The following KATNAL1 variants were observed in gnomAD, a reference collection of about 807,000 sequenced individuals.
KATNAL1 encodes the protein katanin catalytic subunit A1 like 1, also known as katanin p60 ATPase-containing subunit A-like 1.
KATNAL1 carries 32 observed loss-of-function variants against 55.2 expected under a neutral mutation model. The observed-to-expected ratio is 0.58, with a 90% CI of 0.44 to 0.78. The LOEUF (loss-of-function observed/expected upper bound fraction) is 0.78. Ranked by LOEUF, KATNAL1 falls within the 30% of genes least tolerant of loss-of-function variation. The pLI, the probability that KATNAL1 is intolerant of heterozygous loss-of-function variation, is 0.00. For synonymous variants in KATNAL1, 193 were observed against 193.6 expected, an observed-to-expected ratio of 1.00 and a Z score of 0.02; for missense variants, 466 against 600.9, an observed-to-expected ratio of 0.78 and a Z score of 2.35.
At chr13:30,271,698 A>G (rs545373297) in intron 3 of KATNAL1, among the ~76,000 whole-genome samples, 1 of 152,016 alleles carries the variant, frequency 6.6e-6, no homozygotes, top group Non-Finnish European at 1.5e-5. Context: ...GATCCAAACT[A>G]TATCAGAACC....
chr13:30,257,176 C>G (rs546607961), intron 3 of KATNAL1, among the ~76,000 whole-genome samples: 10 of 150,850 alleles, frequency 6.6e-5, no homozygotes, highest in Non-Finnish European at 1.2e-4. Flanking sequence ...TGTTTTTTGA[C>G]CTAATTTTTT....
intron 9 of KATNAL1, among the ~76,000 whole-genome samples, chr13:30,225,486 A>G (rs562279396): frequency 6.6e-6 from 1 of 152,358 alleles, no homozygotes; most frequent in African/African-American, 2.4e-5. Flanking sequence ...ATGTGTGTGT[A>G]TTTAAAATAC....
intron 9 of KATNAL1, among the ~76,000 whole-genome samples, chr13:30,211,366 T>C (rs1285530816): frequency 6.6e-6 from 1 of 152,202 alleles, no homozygotes; most frequent in Non-Finnish European, 1.5e-5. Flanking sequence ...ATCACAACAC[T>C]TCACCTTAAA....
intron 2 of KATNAL1, among the ~76,000 whole-genome samples, chr13:30,282,038 A>ATT (rs1881393465): frequency 6.6e-6 from 1 of 151,710 alleles, no homozygotes; most frequent in African/African-American, 2.4e-5. Flanking sequence ...TATTTGTAAA[A>ATT]AAAAAAAAAA....
intron 9 of KATNAL1, among the ~76,000 whole-genome samples, chr13:30,220,748 G>T (rs1473505036): frequency 6.6e-6 from 1 of 152,008 alleles, no homozygotes; most frequent in Non-Finnish European, 1.5e-5. Context: ...ACCCAGGCTG[G>T]AGTGCTGTGG....
In KATNAL1 at chr13:30,263,274, G is replaced by C. The variant is rs1437265005; in HGVS notation, c.324-7659C>G. On this transcript the variant is annotated intron_variant, in intron 3 of 10. Transcript: ENST00000380615. ...TCACAGCCAATATCATACTGAATGG[G>C]CAAAAACTGGAAGCATTCCCTTTGA... 2.0e-5 allele frequency among the ~76,000 whole-genome samples: 3 copies of C among 152,124 alleles called. No individual in the cohort carries two copies. The East Asian group carries it at 5.8e-4, about 29-fold the overall frequency.
intron 3 of KATNAL1, among the ~76,000 whole-genome samples, chr13:30,271,513 G>A (rs530909014): frequency 2.0e-4 from 31 of 152,056 alleles, no homozygotes; most frequent in African/African-American, 6.8e-4. Context: ...TGGGGGGTGC[G>A]GGCGGAAGGT....
chr13:30,262,125 A>C (rs1176091812), intron 3 of KATNAL1, among the ~76,000 whole-genome samples: 5 of 151,864 alleles, frequency 3.3e-5, no homozygotes, highest in Admixed American at 3.3e-4. Context: ...ACTACTGGGT[A>C]CATAACGAAA....
intron 6 of KATNAL1, among the ~76,000 whole-genome samples, chr13:30,239,808 C>T (rs1336458535): frequency 1.3e-5 from 2 of 151,514 alleles, no homozygotes; most frequent in Admixed American, 1.3e-4. Flanking sequence ...GCCTCAGCCT[C>T]CCGAGTAGCT....
In KATNAL1 at chr13:30,282,522, T is replaced by C. The variant is rs538401554; in HGVS notation, c.162+1094A>G. Among the ~76,000 whole-genome samples the C allele has an allele frequency of 4.1e-4, 63 of 151,872 alleles. 1 individual carries two copies. In the South Asian group the frequency reaches 0.013, roughly 31 times the overall value. On this transcript the variant is annotated intron_variant, in intron 2 of 10. Transcript: ENST00000380615. ...ACATGGTGGTGTGAACCTGTCCCCC[T>C]AGCTACTTGGGAAGCTGAGATGGGA...
intron 9 of KATNAL1, among the ~76,000 whole-genome samples, chr13:30,220,031 A>C (rs781312473): frequency 9.2e-5 from 14 of 152,240 alleles, no homozygotes; most frequent in Admixed American, 2.0e-4. Flanking sequence ...AAAAGTTTGA[A>C]TAATGTGACT....
chr13:30,276,516 CAAAAAAAAAA>C (rs35974864), intron 3 of KATNAL1, among the ~76,000 whole-genome samples: 1 of 99,106 alleles, frequency 1.0e-5, no homozygotes, highest in Non-Finnish European at 2.1e-5. Context: ...TGAGAGATGG[CAAAAAAAAAA>C]AAAAAGAAAA....
chr13:30,265,610 A>AAAAAAT (rs1410351886), intron 3 of KATNAL1, among the ~76,000 whole-genome samples: 2 of 151,996 alleles, frequency 1.3e-5, no homozygotes, highest in African/African-American at 4.8e-5. Context: ...TTAACTATGC[A>AAAAAAT]AAAAATAAGT....
intron 1 of KATNAL1, among the ~76,000 whole-genome samples, chr13:30,292,612 A>G (rs1432689528): frequency 6.6e-6 from 1 of 152,100 alleles, no homozygotes; most frequent in Non-Finnish European, 1.5e-5. Context: ...TCTACCCTCC[A>G]AGGCTGTTCA....
intron 3 of KATNAL1, among the ~76,000 whole-genome samples, chr13:30,265,889 A>C (rs1444546215): frequency 6.6e-6 from 1 of 151,108 alleles, no homozygotes; most frequent in Non-Finnish European, 1.5e-5. Flanking sequence ...GCACGTGCCT[A>C]TAATCCCAGC....
At chr13:30,299,066 T>C (rs1008020001) in intron 1 of KATNAL1, among the ~76,000 whole-genome samples, 1 of 152,182 alleles carries the variant, frequency 6.6e-6, no homozygotes, top group Non-Finnish European at 1.5e-5. Context: ...GAAATTATAT[T>C]GACAGCTAAC....
At chr13:30,287,279 A>G (rs995103879) in intron 1 of KATNAL1, among the ~76,000 whole-genome samples, 3 of 152,190 alleles carry the variant, frequency 2.0e-5, no homozygotes, top group African/African-American at 4.8e-5. Context: ...CAAGGGCAGG[A>G]GCACATGGAG....
chr13:30,274,905 G>GCGCGCGCA lies in KATNAL1; in HGVS notation c.323+5157_323+5158insTGCGCGCG, dbSNP rs1880698734. 2.0e-3 allele frequency among the ~76,000 whole-genome samples: 168 copies of GCGCGCGCA among 84,336 alleles called. 1 individual carries two copies. Among genetic ancestry groups the GCGCGCGCA allele is most frequent in the African/African-American group, 6.9e-3 (165 of 23,844 alleles). 55.3% of individuals were successfully genotyped at this position (84,336 alleles called of 152,430 possible). ...TGCACACACATACGCGCGCGCGCGC[G>GCGCGCGCA]CGCACACACACACACACACACACAC... is the stretch of plus-strand genomic sequence containing the variant. On this transcript the variant is annotated intron_variant, in intron 3 of 10. Transcript: ENST00000380615.
At chr13:30,272,160 G>C (rs1035799156) in intron 3 of KATNAL1, among the ~76,000 whole-genome samples, 1 of 152,176 alleles carries the variant, frequency 6.6e-6, no homozygotes, top group Non-Finnish European at 1.5e-5. Flanking sequence ...AGCACTTTGG[G>C]AGGCCGAGGC....
Sources: gnomAD v4.1 joint callset for allele counts (sites outside exome capture counted in the v4.1 genomes callset) on GRCh38, gnomAD v4.1.1 for gene constraint, MANE v1.5 for transcripts, NCBI Gene and HGNC (gene_info 2026-07-23, HGNC 2026-07-21) for gene names.